The following PCLO variants were observed in gnomAD, a reference collection of about 807,000 sequenced individuals.
PCLO encodes protein piccolo.
PCLO carries 82 observed loss-of-function variants against 427.5 expected under a neutral mutation model. The ratio of observed to expected loss-of-function variants is 0.19; its 90% confidence interval spans 0.16 to 0.23. The LOEUF (loss-of-function observed/expected upper bound fraction) is 0.23. PCLO is among the 10% of genes least tolerant of loss of function. The pLI is 1.00. For synonymous variants in PCLO, 2,357 were observed against 2,155.4 expected (o/e 1.09, Z -2.59); for missense variants, 6,239 against 6,115.9 (o/e 1.02, Z -0.67).
At chr7:83,098,631 CT>C (rs1299765538) in intron 3 of PCLO, among the ~76,000 whole-genome samples, 1 of 136,278 alleles carries the variant, frequency 7.3e-6, no homozygotes, top group Admixed American at 8.0e-5. Context: ...CCTGTTATTT[CT>C]TATCATATGT....
intron 16 of PCLO, among the ~76,000 whole-genome samples, chr7:82,830,378 T>C (rs1792064514): frequency 6.6e-6 from 1 of 151,968 alleles, no homozygotes; most frequent in Non-Finnish European, 1.5e-5. Flanking sequence ...TTGATGGTGA[T>C]AGAATTAGTG....
intron 3 of PCLO, among the ~76,000 whole-genome samples, chr7:83,005,248 G>A (rs1330697313): frequency 6.6e-6 from 1 of 151,562 alleles, no homozygotes; most frequent in African/African-American, 2.4e-5. Flanking sequence ...AAAATGAAGA[G>A]AATCGTGTCA....
At chr7:83,029,262 G>GGAA (rs772058465) in intron 3 of PCLO, among the ~76,000 whole-genome samples, 21 of 126,890 alleles carry the variant, frequency 1.7e-4, no homozygotes, top group African/African-American at 5.8e-4. Context: ...AAATTTACAA[G>GGAA]AAAAAAAAAA....
chr7:82,968,305 C>T (rs1795824736), intron 3 of PCLO, among the ~76,000 whole-genome samples: 2 of 151,984 alleles, frequency 1.3e-5, no homozygotes, highest in African/African-American at 2.4e-5. Flanking sequence ...GAATTGTGTG[C>T]CTTCTTTAAT....
rs1795449875 is a variant in PCLO, at chr7:82,954,324, T to C, written c.6629A>G (p.Tyr2210Cys). The change falls in exon 5 of 25, where the codon TAT becomes TGT. Residue 2210 changes from tyrosine (Y) to cysteine (C), a missense_variant. By Grantham distance (194) the Tyr-to-Cys change is radical. Around this residue, in one of 5 missense-constraint regions of PCLO, gnomAD observed 4,677 missense variants for 4,468.4 expected, o/e 1.05. Transcript: ENST00000333891. ...ITTLDSITTVYTEPVDMITKF... is the reference protein window; with the variant it reads ...ITTLDSITTVCTEPVDMITKF... ...AGTTATCATGTCCACTGGCTCTGTA[T>C]AAACTGTGGTTATGCTATCCAGGGT... is the stretch of plus-strand genomic sequence containing the variant. 4 of 1,613,626 alleles carry C rather than the reference T, an allele frequency of 2.5e-6. No homozygotes were observed. Among genetic ancestry groups the C allele is most frequent in the South Asian group, 2.2e-5 (2 of 91,090 alleles).
chr7:82,987,931 GTAGCTAACACTGTGAACAGTGT>G (rs1796291354), intron 3 of PCLO, among the ~76,000 whole-genome samples: 1 of 152,016 alleles, frequency 6.6e-6, no homozygotes, highest in Non-Finnish European at 1.5e-5. Flanking sequence ...CATGCTAATG[GTAGCTAACACTGTGAACAGTGT>G]TTAAAAACAT....
At chr7:83,018,511 A>AT (rs1256860158) in intron 3 of PCLO, among the ~76,000 whole-genome samples, 1 of 152,034 alleles carries the variant, frequency 6.6e-6, no homozygotes, top group Non-Finnish European at 1.5e-5. Flanking sequence ...TTCTGTTGAA[A>AT]TAATTGTGTA....
At chr7:82,965,299 T>C (rs1217479073) in intron 4 of PCLO, among the ~76,000 whole-genome samples, 2 of 149,614 alleles carry the variant, frequency 1.3e-5, no homozygotes, top group Non-Finnish European at 3.0e-5. Flanking sequence ...TTTTCCTTTT[T>C]TCTTTTTTCT....
intron 9 of PCLO, among the ~76,000 whole-genome samples, chr7:82,888,581 C>A (rs1419873186): frequency 6.6e-6 from 1 of 152,010 alleles, no homozygotes; most frequent in Non-Finnish European, 1.5e-5. Context: ...CTTCAGAATT[C>A]AACTTTGAAG....
intron 20 of PCLO, among the ~76,000 whole-genome samples, chr7:82,814,678 A>G (rs1277303475): frequency 1.3e-5 from 2 of 151,914 alleles, no homozygotes; most frequent in African/African-American, 4.8e-5. Context: ...CAACAAGCAC[A>G]TATTCCATTA....
At position 82,764,965 on chromosome 7, in the gene PCLO, G is replaced by T. The variant is rs151039225; in HGVS notation, c.15008-3472C>A. Among the ~76,000 whole-genome samples the T allele has an allele frequency of 4.3e-3, 649 of 151,854 alleles. 2 individuals are homozygous for T. Among genetic ancestry groups the T allele is most frequent in the African/African-American group, 0.014 (569 of 41,480 alleles). On this transcript the variant is annotated intron_variant, in intron 22 of 24. Coordinates refer to ENST00000333891, the MANE Select transcript of PCLO (RefSeq NM_033026.6). ...TCAAACACTATACCCTGATAATAAT[G>T]AATATACCTTTTTCTTAATCATCTA...
chr7:82,848,857 C>G, intron 10 of PCLO: 6 of 382,176 alleles, frequency 1.6e-5, no homozygotes, highest in Non-Finnish European at 3.2e-5. Flanking sequence ...AATGACTTTT[C>G]TATAACTTAC....
chr7:83,143,462 T>C (rs998152253), intron 2 of PCLO, among the ~76,000 whole-genome samples: 1 of 152,196 alleles, frequency 6.6e-6, no homozygotes, highest in Non-Finnish European at 1.5e-5. Context: ...TCTCTGAAAT[T>C]GCATGGATTA....
chr7:83,020,026 A>T (rs377007305), intron 3 of PCLO, among the ~76,000 whole-genome samples: 4 of 152,126 alleles, frequency 2.6e-5, no homozygotes, highest in East Asian at 1.9e-4. Flanking sequence ...AATAGTCTTG[A>T]TTTCAAGTCT....
chr7:82,765,418 A>C (rs1790513041), intron 22 of PCLO, among the ~76,000 whole-genome samples: 1 of 149,512 alleles, frequency 6.7e-6, no homozygotes, highest in African/African-American at 2.6e-5. Flanking sequence ...TTAATAAAGT[A>C]GGGAACAGAA....
chr7:83,113,257 T>G (rs1791051264), intron 3 of PCLO, among the ~76,000 whole-genome samples: 1 of 152,192 alleles, frequency 6.6e-6, no homozygotes, highest in African/African-American at 2.4e-5. Flanking sequence ...TTGAATGATT[T>G]TGAAGCCCTA....
chr7:83,045,437 C>A (rs1443186128), intron 3 of PCLO, among the ~76,000 whole-genome samples: 1 of 152,136 alleles, frequency 6.6e-6, no homozygotes, highest in Non-Finnish European at 1.5e-5. Flanking sequence ...GCCTTCTGCT[C>A]CAAGACTTCC....
At chr7:83,059,442 A>G (rs190055330) in intron 3 of PCLO, among the ~76,000 whole-genome samples, 40 of 148,332 alleles carry the variant, frequency 2.7e-4, no homozygotes, top group East Asian at 1.6e-3. Context: ...CACATTTATC[A>G]CTATGGAATT....
chr7:83,110,027 G>A (rs1790963327), intron 3 of PCLO, among the ~76,000 whole-genome samples: 1 of 151,310 alleles, frequency 6.6e-6, no homozygotes, highest in Non-Finnish European at 1.5e-5. Flanking sequence ...TCTATAAAAT[G>A]AGGAGAATAA....
Sources: allele counts gnomAD v4.1 joint callset (sites outside exome capture counted in the v4.1 genomes callset), GRCh38; gene constraint gnomAD v4.1.1; regional missense constraint gnomAD v4.1.1; transcripts MANE v1.5; gene names NCBI Gene and HGNC (gene_info 2026-07-23, HGNC 2026-07-21).